TTLL7: variants seen among roughly 807,000 people sequenced by gnomAD.
The protein encoded by TTLL7 is tubulin tyrosine ligase like 7.
In TTLL7, 53 loss-of-function variants were observed where a neutral mutation model predicts 120.2. That is an observed-to-expected ratio of 0.44 (90% CI 0.35 to 0.55). TTLL7 has a LOEUF of 0.55. Among genes scored for constraint, TTLL7 ranks in the 20% least tolerant of loss-of-function variants. The pLI is 0.00. For missense variants in TTLL7, 803 were observed against 1,054.7 expected (o/e 0.76, Z 3.31); for synonymous variants, 353 against 351.7 (o/e 1.00, Z -0.04).
chr1:83,941,072 T>G (rs1215993992), intron 7 of TTLL7, among the ~76,000 whole-genome samples: 9 of 152,150 alleles, frequency 5.9e-5, no homozygotes, highest in Admixed American at 5.9e-4. Context: ...CTCTGAGCCA[T>G]TCTTTTGCCT....
At chr1:83,900,616 G>A (rs1024451324) in intron 18 of TTLL7, among the ~76,000 whole-genome samples, 9 of 151,898 alleles carry the variant, frequency 5.9e-5, no homozygotes, top group Admixed American at 2.0e-4. Context: ...CAAAACAAAC[G>A]CACAGCACCA....
rs1657312325 is a variant in TTLL7 at position 83,907,619 on chromosome 1, G to A, written c.1829C>T (p.Ala610Val). ...GGTGTCCCCACTGGAAGGTGATTGA[G>A]CAGAGATGGACCGAGGGCAGCTGAC... Reference protein sequence around the residue: ...RSVSCPRSISAQSPSSGDTRP... With the variant: ...RSVSCPRSISVQSPSSGDTRP... The change falls in exon 16 of 21, where the codon GCT becomes GTT. Residue 610 changes from alanine to valine, a missense_variant. Transcript: ENST00000260505. 6.2e-7 allele frequency: 1 copy of A among 1,613,072 alleles called. No homozygotes were observed. Among genetic ancestry groups the A allele is most frequent in the Non-Finnish European group, 8.5e-7 (1 of 1,179,516 alleles).
At chr1:83,894,235 A>C (rs1268337360) in intron 18 of TTLL7, among the ~76,000 whole-genome samples, 2 of 152,128 alleles carry the variant, frequency 1.3e-5, no homozygotes, top group Non-Finnish European at 2.9e-5. Context: ...AAGAATAAAA[A>C]AGTAGCCAAG....
At chr1:83,938,051 A>G (rs767704998) in intron 7 of TTLL7, 35 bp from the exon 8 acceptor site, 1 of 1,608,416 alleles carries the variant, frequency 6.2e-7, no homozygotes, top group Non-Finnish European at 8.5e-7. Flanking sequence ...GTTACCACCT[A>G]TGACATCCTA....
intron 1 of TTLL7, chr1:83,980,504 G>A (rs1206229265): frequency 6.6e-6 from 1 of 152,170 alleles, no homozygotes; most frequent in Non-Finnish European, 1.5e-5. Context: ...AGTGCTGAAA[G>A]AAAGTAACTG....
intron 18 of TTLL7, among the ~76,000 whole-genome samples, chr1:83,899,837 G>A (rs116783320): frequency 0.042 from 6,328 of 151,898 alleles, 156 homozygotes; most frequent in Middle Eastern, 0.099. Context: ...TCCACATAAC[G>A]GTGTATGATT....
At chr1:83,932,371 G>A (rs1299642285) in intron 9 of TTLL7, among the ~76,000 whole-genome samples, 1 of 152,066 alleles carries the variant, frequency 6.6e-6, no homozygotes, top group South Asian at 2.1e-4. Context: ...CAAGATGAAG[G>A]GTCCATAGTG....
At chr1:83,938,523 C>A (rs1279823703) in intron 7 of TTLL7, among the ~76,000 whole-genome samples, 1 of 152,070 alleles carries the variant, frequency 6.6e-6, no homozygotes, top group Admixed American at 6.6e-5. Context: ...CTCTGCACAC[C>A]CATACTGACT....
At chr1:83,947,352 C>T in intron 5 of TTLL7, 70 bp from the exon 6 acceptor site, 1 of 1,349,378 alleles carries the variant, frequency 7.4e-7, no homozygotes, top group Non-Finnish European at 1.0e-6. Flanking sequence ...CTCTGGGCTA[C>T]TGATATTTGC....
At chr1:83,906,924 A>G (rs1657242783) in intron 16 of TTLL7, among the ~76,000 whole-genome samples, 1 of 152,068 alleles carries the variant, frequency 6.6e-6, no homozygotes, top group Admixed American at 6.6e-5. Context: ...AGCATCTAAA[A>G]GTAAGCCTTC....
intron 1 of TTLL7, among the ~76,000 whole-genome samples, chr1:83,994,282 T>G (rs563626398): frequency 2.3e-4 from 35 of 152,318 alleles, no homozygotes; most frequent in African/African-American, 8.2e-4. Flanking sequence ...TCAGGCACAT[T>G]CATCTGCCTT....
intron 20 of TTLL7, chr1:83,880,167 T>C (rs1654318510): frequency 6.6e-6 from 1 of 152,024 alleles, no homozygotes; most frequent in African/African-American, 2.4e-5. Context: ...AATGAAAGTA[T>C]TAAAAGTTTT....
chr1:83,908,251 T>G (rs981725534), intron 15 of TTLL7, among the ~76,000 whole-genome samples: 2 of 152,044 alleles, frequency 1.3e-5, no homozygotes, highest in African/African-American at 4.8e-5. Flanking sequence ...TTGAACATTT[T>G]ACAGCAAGAT....
intron 6 of TTLL7, among the ~76,000 whole-genome samples, chr1:83,944,958 C>T (rs11163871): frequency 5.3e-4 from 80 of 151,992 alleles, no homozygotes; most frequent in African/African-American, 1.7e-3. Context: ...TAAATTAAGA[C>T]GATAATGGTA....
chr1:83,876,815 AGATTT>A (rs1260448707), intron 20 of TTLL7, among the ~76,000 whole-genome samples: 1 of 151,996 alleles, frequency 6.6e-6, no homozygotes, highest in Non-Finnish European at 1.5e-5. Context: ...AATTTATCAT[AGATTT>A]ATTTACATTT....
At chr1:83,968,165 T>C (rs753208970) in intron 1 of TTLL7, among the ~76,000 whole-genome samples, 7 of 151,890 alleles carry the variant, frequency 4.6e-5, no homozygotes, top group Non-Finnish European at 8.8e-5. Context: ...ATAAAAACAA[T>C]AACAAACTCA....
chr1:83,976,386 G>C (rs1236667491), intron 1 of TTLL7, among the ~76,000 whole-genome samples: 1 of 151,880 alleles, frequency 6.6e-6, no homozygotes, highest in South Asian at 2.1e-4. Context: ...TAAAGTGTTT[G>C]CTTCAAATTT....
In TTLL7 at chr1:83,882,950, T is replaced by C. The variant is rs1158941359; in HGVS notation, c.2543+13A>G. 6.2e-7 allele frequency: 1 copy of C among 1,607,776 alleles called. No individual in the cohort carries two copies. The highest frequency in any genetic ancestry group is 2.2e-5 in the East Asian group (1 of 44,732). On this transcript the variant is annotated intron_variant, in intron 20 of 20. Transcript: ENST00000260505. ...CATAAAACTCTCAAGGGTTAGAGAATGTGAACAAGTACCTGGAATTACCCC... is the reference window on the plus strand; with the variant it reads ...CATAAAACTCTCAAGGGTTAGAGAACGTGAACAAGTACCTGGAATTACCCC...
intron 1 of TTLL7, among the ~76,000 whole-genome samples, chr1:83,975,993 T>C (rs1325554924): frequency 6.6e-6 from 1 of 151,670 alleles, no homozygotes; most frequent in Non-Finnish European, 1.5e-5. Flanking sequence ...GTAAGAAATG[T>C]ATTAACTCTA....
Sources: allele counts gnomAD v4.1 joint callset (sites outside exome capture counted in the v4.1 genomes callset), GRCh38; gene constraint gnomAD v4.1.1; transcripts MANE v1.5; gene names NCBI Gene and HGNC (gene_info 2026-07-23, HGNC 2026-07-21).